GLI2: variants seen among roughly 807,000 people sequenced by gnomAD.
GLI2 encodes GLI family zinc finger 2.
A neutral mutation model predicts 78.9 loss-of-function variants in GLI2; 22 were observed. That is an observed-to-expected ratio of 0.28 (90% CI 0.20 to 0.40). GLI2 has a LOEUF of 0.40. GLI2 is among the 10% of genes least tolerant of loss of function. The pLI is 1.00. For synonymous variants in GLI2, 974 were observed against 963.7 expected, an observed-to-expected ratio of 1.01 and a Z score of -0.20; for missense variants, 2,097 against 2,213.2, an observed-to-expected ratio of 0.95 and a Z score of 1.05.
At chr2:120,773,056 G>C (rs1043335102) in intron 1 of GLI2, among the ~76,000 whole-genome samples, 3 of 152,174 alleles carry the variant, frequency 2.0e-5, no homozygotes, top group African/African-American at 7.2e-5. Flanking sequence ...TACTTAACCA[G>C]CCCCTTATTT....
chr2:120,972,893 C>T (rs977712287), intron 8 of GLI2, among the ~76,000 whole-genome samples: 3 of 152,094 alleles, frequency 2.0e-5, no homozygotes, highest in Non-Finnish European at 2.9e-5. Context: ...TGCGGGCAGC[C>T]CCCACTCTGG....
At chr2:120,862,584 A>G (rs896648353) in intron 2 of GLI2, among the ~76,000 whole-genome samples, 3 of 152,224 alleles carry the variant, frequency 2.0e-5, no homozygotes, top group East Asian at 1.9e-4. Flanking sequence ...TTGTGGGTCC[A>G]TCGTGAGCAC....
intron 2 of GLI2, among the ~76,000 whole-genome samples, chr2:120,919,006 C>G (rs2104838644): frequency 6.6e-6 from 1 of 151,922 alleles, no homozygotes; most frequent in South Asian, 2.1e-4. Context: ...GCAAAGGTTA[C>G]CTTGACTTCC....
intron 2 of GLI2, among the ~76,000 whole-genome samples, chr2:120,810,127 G>C (rs1685169232): frequency 6.6e-6 from 1 of 152,238 alleles, no homozygotes; most frequent in South Asian, 2.1e-4. Flanking sequence ...TCACAGCCTT[G>C]CTGCCCACAG....
chr2:120,841,672 C>T (rs575619030), intron 2 of GLI2, among the ~76,000 whole-genome samples: 40 of 152,354 alleles, frequency 2.6e-4, no homozygotes, highest in South Asian at 1.0e-3. Flanking sequence ...GCTTCATTGC[C>T]TCTGGTATGC....
intron 2 of GLI2, among the ~76,000 whole-genome samples, chr2:120,812,092 A>G (rs190170474): frequency 1.1e-3 from 173 of 152,252 alleles, no homozygotes; most frequent in African/African-American, 4.1e-3. Flanking sequence ...GCCTTCCTTG[A>G]GACAGGAACA....
chr2:120,878,222 T>C (rs1688856529), intron 2 of GLI2, among the ~76,000 whole-genome samples: 1 of 152,202 alleles, frequency 6.6e-6, no homozygotes, highest in Non-Finnish European at 1.5e-5. Flanking sequence ...ATGTGTATCC[T>C]CCCTCCCAGG....
intron 2 of GLI2, among the ~76,000 whole-genome samples, chr2:120,852,579 A>G (rs898295034): frequency 2.6e-5 from 4 of 152,188 alleles, no homozygotes; most frequent in Admixed American, 2.6e-4. Context: ...GGCCGCCTGT[A>G]AACACAGACA....
chr2:120,927,381 C>T lies in GLI2; in HGVS notation c.169C>T (p.Pro57Ser). The change falls in exon 3 of 14, where the codon CCA becomes TCA. Residue 57 changes from proline (P) to serine (S), a missense_variant. Physicochemically the swap from Pro to Ser is moderately conservative, Grantham distance 74. This residue lies in a region of GLI2 where 578 missense variants were observed against 612.0 expected (regional missense o/e 0.94). Coordinates refer to ENST00000361492, the MANE Select transcript of GLI2 (RefSeq NM_001374353.1). ...TGCAGTGCCGCAGCATCTCTTGCCACCATTCCATGCGCCCCTACCGATTGA... is the reference window on the plus strand; with the variant it reads ...TGCAGTGCCGCAGCATCTCTTGCCATCATTCCATGCGCCCCTACCGATTGA... ...AQGVPQHLLP[P>S]FHAPLPIDMR... 6.2e-7 allele frequency: 1 copy of T among 1,613,628 alleles called. No homozygotes were observed. The highest frequency in any genetic ancestry group is 8.5e-7 in the Non-Finnish European group (1 of 1,179,516).
At chr2:120,808,953 C>T (rs1281691953) in intron 2 of GLI2, among the ~76,000 whole-genome samples, 5 of 152,174 alleles carry the variant, frequency 3.3e-5, no homozygotes, top group South Asian at 4.1e-4. Flanking sequence ...ACATGCCTGG[C>T]CCCCTGGGTT....
chr2:120,743,680 C>T (rs1283952449), intron 1 of GLI2, among the ~76,000 whole-genome samples: 1 of 152,194 alleles, frequency 6.6e-6, no homozygotes, highest in Non-Finnish European at 1.5e-5. Flanking sequence ...GGAGTTATCC[C>T]CAGGGACTGG....
At chr2:120,753,460 T>C (rs2104635403) in intron 1 of GLI2, among the ~76,000 whole-genome samples, 1 of 152,358 alleles carries the variant, frequency 6.6e-6, no homozygotes, top group African/African-American at 2.4e-5. Flanking sequence ...AATTTTCATT[T>C]TTTAGCATCA....
At chr2:120,790,996 T>C (rs969117359) in intron 1 of GLI2, among the ~76,000 whole-genome samples, 7 of 152,022 alleles carry the variant, frequency 4.6e-5, no homozygotes, top group Non-Finnish European at 7.4e-5. Flanking sequence ...GTCTTCCCAG[T>C]ACCCTGGGAG....
intron 1 of GLI2, among the ~76,000 whole-genome samples, chr2:120,793,702 G>A (rs1330670833): frequency 1.2e-4 from 18 of 152,338 alleles, no homozygotes; most frequent in Admixed American, 6.5e-5. Context: ...AGGCGTTCAC[G>A]AAACCTCAGG....
chr2:120,843,219 C>G (rs567960198), intron 2 of GLI2, among the ~76,000 whole-genome samples: 5 of 152,218 alleles, frequency 3.3e-5, no homozygotes, highest in Non-Finnish European at 7.3e-5. Flanking sequence ...CACCAAGATG[C>G]TCCCATTTAG....
intron 2 of GLI2, among the ~76,000 whole-genome samples, chr2:120,835,749 G>A (rs1686581401): frequency 6.6e-6 from 1 of 152,070 alleles, no homozygotes; most frequent in African/African-American, 2.4e-5. Flanking sequence ...GGCATGTCTG[G>A]TCTTTGGAGA....
chr2:120,819,154 G>A (rs1346623139), intron 2 of GLI2, among the ~76,000 whole-genome samples: 1 of 151,868 alleles, frequency 6.6e-6, no homozygotes, highest in East Asian at 1.9e-4. Flanking sequence ...TTAGGAGTGA[G>A]TGACCTCCAG....
At chr2:120,983,403 C>T (rs1252105581) in intron 11 of GLI2, among the ~76,000 whole-genome samples, 1 of 152,180 alleles carries the variant, frequency 6.6e-6, no homozygotes, top group African/African-American at 2.4e-5. Flanking sequence ...GGTCACTGCT[C>T]CCCACCCCCA....
At chr2:120,860,770 T>C (rs1204671499) in intron 2 of GLI2, among the ~76,000 whole-genome samples, 1 of 152,104 alleles carries the variant, frequency 6.6e-6, no homozygotes. Context: ...TCTGGGACTC[T>C]AGAGCAGTGA....
Sources: gnomAD v4.1 joint callset for allele counts (sites outside exome capture counted in the v4.1 genomes callset) on GRCh38, gnomAD v4.1.1 for gene constraint, gnomAD v4.1.1 regional missense constraint, MANE v1.5 for transcripts, NCBI Gene and HGNC (gene_info 2026-07-23, HGNC 2026-07-21) for gene names.